Variants in LAYN observed in about 807,000 individuals in gnomAD.
LAYN encodes layilin.
In LAYN, 38 loss-of-function variants were observed where a neutral mutation model predicts 43.6. That is an observed-to-expected ratio of 0.87 (90% CI 0.67 to 1.14). The LOEUF is 1.14. Among genes scored for constraint, LAYN ranks in the 50% most tolerant of loss-of-function variants. The pLI, the probability that LAYN is intolerant of heterozygous loss-of-function variation, is 0.00. For synonymous variants in LAYN, 168 were observed against 172.9 expected (o/e 0.97, Z 0.22); for missense variants, 479 against 463.8 (o/e 1.03, Z -0.30).
chr11:111,542,843 C>A (rs747784352), intron 1 of LAYN, among the ~76,000 whole-genome samples: 1 of 152,184 alleles, frequency 6.6e-6, no homozygotes, highest in Non-Finnish European at 1.5e-5. Context: ...TCGCACAGTG[C>A]CAGGCACAAA....
intron 2 of LAYN, among the ~76,000 whole-genome samples, chr11:111,547,612 A>G (rs574216579): frequency 6.6e-6 from 1 of 152,300 alleles, no homozygotes; most frequent in South Asian, 2.1e-4. Context: ...AACCTGCTTT[A>G]GCAAAGACAC....
In LAYN at chr11:111,553,754, T is replaced by A. The variant is rs577269225; in HGVS notation, c.542-807T>A. Among the ~76,000 whole-genome samples, 448 of 87,768 alleles carry A rather than the reference T, an allele frequency of 5.1e-3. 5 individuals are homozygous for A. The highest frequency in any genetic ancestry group is 0.017 in the African/African-American group (419 of 24,910). 57.6% of individuals were successfully genotyped at this position (87,768 alleles called of 152,430 possible). ...CACACACACACACACACACACACAC[T>A]TATGGGAAGATGACTAAAAGTTTTT... On this transcript the variant is annotated intron_variant, in intron 3 of 6. Transcript: ENST00000375614.
Position 111,560,399 on chromosome 11 carries a change from G to A in LAYN, c.1066G>A (p.Asp356Asn). The A allele has an allele frequency of 6.2e-7, 1 of 1,613,862 alleles. No homozygotes were observed. Among genetic ancestry groups the A allele is most frequent in the Non-Finnish European group, 8.5e-7 (1 of 1,179,722 alleles). Residue 356 changes from aspartate to asparagine, a missense_variant, in exon 7 of 7, where the codon GAC becomes AAC. Transcript: ENST00000375614. The part of the protein sequence containing the change: ...VTNDIYEFSP[D>N]QMGRSKESGW... ...CAATGACATTTATGAGTTCTCCCCA[G>A]ACCAAATGGGGAGGAGTAAGGAGTC...
chr11:111,549,411 A>T (rs1331792504), intron 2 of LAYN, among the ~76,000 whole-genome samples: 1 of 152,230 alleles, frequency 6.6e-6, no homozygotes, highest in Non-Finnish European at 1.5e-5. Context: ...GATTGTGGCA[A>T]ATGTCAGATG....
In LAYN at chr11:111,548,879, C is replaced by A. The variant is rs113393718; in HGVS notation, c.384-739C>A. On this transcript the variant is annotated intron_variant, in intron 2 of 6. Coordinates refer to ENST00000375614, the MANE Select transcript of LAYN (RefSeq NM_178834.5). The stretch of plus-strand genomic sequence containing the variant: ...GCTCCATAAGATCCAAGGCTTTAAC[C>A]TGGCACCCACATATCCAACTGGGTG... 6.2e-3 allele frequency among the ~76,000 whole-genome samples: 939 copies of A among 152,302 alleles called. 9 individuals carry two copies. The highest frequency in any genetic ancestry group is 0.021 in the African/African-American group (873 of 41,560).
rs1867870010 is a variant in LAYN at position 111,557,597 on chromosome 11, CT to C, written c.717del (p.Val240TrpfsTer42). On this transcript the variant is annotated frameshift_variant, in exon 6 of 7. Transcript: ENST00000375614. LOFTEE classifies it high-confidence loss of function. Reference sequence around the variant, plus strand: ...CCCCAGCATTCCCCTTCTCCTCCTCCTTGTGGTCACCACAGTTGTATGTTGG... The same window carrying C: ...CCCCAGCATTCCCCTTCTCCTCCTCCTGTGGTCACCACAGTTGTATGTTGG... ...LIPSIPLLLL[L>X]VVTTVVCWVW... The C allele has an allele frequency of 1.9e-6, 3 of 1,614,172 alleles. No homozygotes were observed. The highest frequency in any genetic ancestry group is 2.5e-6 in the Non-Finnish European group (3 of 1,180,012).
chr11:111,551,373 A>G (rs1234062034), intron 3 of LAYN: 3 of 456,200 alleles, frequency 6.6e-6, no homozygotes, highest in Non-Finnish European at 1.3e-5. Context: ...AGGAAGCCCC[A>G]TTGAAACAGT....
At chr11:111,555,096 T>C in intron 4 of LAYN, 111 bp from the exon 5 acceptor site, 1 of 763,704 alleles carries the variant, frequency 1.3e-6, no homozygotes, top group African/African-American at 1.8e-5. Flanking sequence ...TAGATGGTGC[T>C]GGCAAAATTT....
rs1355688970 is a variant in LAYN, at chr11:111,540,948, C to CGGGGGCTGGTGCCGGGGT, written c.85+24_85+41dup. 7.4e-7 allele frequency: 1 copy of CGGGGGCTGGTGCCGGGGT among 1,357,758 alleles called. No homozygotes were observed. Among genetic ancestry groups the CGGGGGCTGGTGCCGGGGT allele is most frequent in the Non-Finnish European group, 1.0e-6 (1 of 988,606 alleles). 84.1% of individuals were successfully genotyped at this position (1,357,758 alleles called of 1,614,324 possible). ...TGAGTGGTGAGTGCGCGCGCTGGGG[C>CGGGGGCTGGTGCCGGGGT]GGGGGCTGGTGCCGGGGTGGGCTCA... On this transcript the variant is annotated intron_variant, in intron 1 of 6. Coordinates refer to ENST00000375614, the MANE Select transcript of LAYN (RefSeq NM_178834.5).
At position 111,560,174 on chromosome 11, in the gene LAYN, C is replaced by A; in HGVS notation, c.841C>A (p.Leu281Ile). Residue 281 changes from leucine to isoleucine, a missense_variant, in exon 7 of 7, where the codon CTA (leucine) becomes ATA (isoleucine). Coordinates refer to ENST00000375614, the MANE Select transcript of LAYN (RefSeq NM_178834.5). The stretch of plus-strand genomic sequence containing the variant: ...TCCTCACCAGGGAAACAGCCCGGAC[C>A]TAGAGGTCTACAATGTCATAAGAAA... ...PSPHQGNSPDLEVYNVIRKQS... is the reference protein window; with the variant it reads ...PSPHQGNSPDIEVYNVIRKQS... 6.2e-7 allele frequency: 1 copy of A among 1,614,220 alleles called. No individual in the cohort carries two copies. Among genetic ancestry groups the A allele is most frequent in the Non-Finnish European group, 8.5e-7 (1 of 1,180,036 alleles).
Position 111,560,520 on chromosome 11 carries a change from T to A in LAYN, c.*62T>A. ...GAAATGATAAGCAAAATCCTCTTAT[T>A]TTCTATAAGGAAAATACACAGAAGG... On this transcript the variant is annotated 3_prime_UTR_variant, in exon 7 of 7. Transcript: ENST00000375614. 6.6e-7 allele frequency: 1 copy of A among 1,515,052 alleles called. No individual in the cohort carries two copies. The highest frequency in any genetic ancestry group is 8.9e-7 in the Non-Finnish European group (1 of 1,122,198). The allele number at this position is 1,515,052 out of a possible 1,614,324, so 93.9% of individuals were successfully genotyped here. A position where few individuals can be genotyped will look rare whatever the true frequency, so the allele number is the denominator to read the frequency against.
chr11:111,553,694 T>C (rs1166190809), intron 3 of LAYN, among the ~76,000 whole-genome samples: 1 of 146,208 alleles, frequency 6.8e-6, no homozygotes, highest in Non-Finnish European at 1.5e-5. Flanking sequence ...TTTTTTTAAA[T>C]AAATGGATTT....
intron 2 of LAYN, among the ~76,000 whole-genome samples, chr11:111,546,732 G>A (rs1422458162): frequency 2.0e-5 from 3 of 152,176 alleles, no homozygotes; most frequent in African/African-American, 7.2e-5. Context: ...CTCCGATTAG[G>A]TGTGTCTGAC....
rs1160484906 is a variant in LAYN at position 111,554,546 on chromosome 11, T to C, written c.542-15T>C. 6.2e-7 allele frequency: 1 copy of C among 1,608,120 alleles called. No individual in the cohort carries two copies. On this transcript the variant is annotated splice_polypyrimidine_tract_variant and intron_variant, in intron 3 of 6. Transcript: ENST00000375614. Reference sequence around the variant, plus strand: ...ACTTACTACTTATTTTTGTTTTTGTTTCTTTCTACTACAGAGAAACCAGCA... The same window carrying C: ...ACTTACTACTTATTTTTGTTTTTGTCTCTTTCTACTACAGAGAAACCAGCA...
intron 3 of LAYN, among the ~76,000 whole-genome samples, chr11:111,552,134 A>G (rs1183876122): frequency 1.3e-5 from 2 of 152,206 alleles, no homozygotes; most frequent in African/African-American, 2.4e-5. Flanking sequence ...TGATGAAATG[A>G]TAAGGTGAAG....
At chr11:111,552,214 TA>T (rs199862368) in intron 3 of LAYN, among the ~76,000 whole-genome samples, 49 of 152,164 alleles carry the variant, frequency 3.2e-4, no homozygotes, top group African/African-American at 1.2e-3. Flanking sequence ...AATAAGAAGT[TA>T]AAAAAATAAC....
chr11:111,540,892 G>A lies in LAYN; in HGVS notation c.49G>A (p.Val17Met), dbSNP rs1867521264. Residue 17 changes from valine (V) to methionine (M), a missense_variant, in exon 1 of 7, where the codon GTG becomes ATG. Physicochemically the swap from Val to Met is conservative, Grantham distance 21. Transcript: ENST00000375614. ...GGCCGTGCTGCTGGCCGTGCTGCTGGTGGGGCTGCGGGCCGCGACGGGTCG... is the reference window on the plus strand; with the variant it reads ...GGCCGTGCTGCTGGCCGTGCTGCTGATGGGGCTGCGGGCCGCGACGGGTCG... The part of the protein sequence containing the change: ...LQAVLLAVLL[V>M]GLRAATGRLL... 2 of 1,532,368 alleles carry A rather than the reference G, an allele frequency of 1.3e-6. No individual in the cohort carries two copies. Among genetic ancestry groups the A allele is most frequent in the African/African-American group, 2.7e-5 (2 of 72,882 alleles). The allele number at this position is 1,532,368 out of a possible 1,614,324, so 94.9% of individuals were successfully genotyped here. A position where few individuals can be genotyped will look rare whatever the true frequency, so the allele number is the denominator to read the frequency against.
In LAYN at chr11:111,543,874, C is replaced by T. The variant is rs377682012; in HGVS notation, c.86-49C>T. On this transcript the variant is annotated intron_variant, in intron 1 of 6. Coordinates refer to ENST00000375614, the MANE Select transcript of LAYN (RefSeq NM_178834.5). ...TGGATGCCTCCACGTATCCCTGCCC[C>T]GGTATACTTTTTGAGACACTGAAAT... The T allele has an allele frequency of 1.4e-4, 218 of 1,539,426 alleles. 1 individual carries two copies. Among genetic ancestry groups the T allele is most frequent in the Middle Eastern group, 1.1e-3 (6 of 5,488 alleles).
chr11:111,552,544 AC>A (rs1867762140), intron 3 of LAYN, among the ~76,000 whole-genome samples: 1 of 152,268 alleles, frequency 6.6e-6, no homozygotes, highest in African/African-American at 2.4e-5. Flanking sequence ...ATAGCTGAAC[AC>A]TTGCTTACTT....
Sources: gnomAD v4.1 joint callset for allele counts (sites outside exome capture counted in the v4.1 genomes callset) on GRCh38, gnomAD v4.1.1 for gene constraint, MANE v1.5 for transcripts, NCBI Gene and HGNC (gene_info 2026-07-23, HGNC 2026-07-21) for gene names.